Variants in FGF13 observed in about 807,000 individuals in gnomAD.
FGF13 encodes the protein fibroblast growth factor 13, also known as fibroblast growth factor homologous factor 2.
Under a neutral mutation model 19.5 loss-of-function variants are expected in FGF13, and 2 were observed. The observed-to-expected ratio is 0.10, with a 90% confidence interval of 0.04 to 0.32. The LOEUF (loss-of-function observed/expected upper bound fraction) is 0.32, where lower values mean the gene tolerates loss of function less well. FGF13 is among the 10% of genes least tolerant of loss of function. The probability of loss-of-function intolerance (pLI) is 1.00; values close to 1 mark genes in which losing one functional copy is unlikely to be tolerated. For synonymous variants in FGF13, 72 were observed against 76.9 expected (o/e 0.94, Z 0.33); for missense variants, 113 against 192.7 (o/e 0.59, Z 2.45).
intron 3 of FGF13, among the ~76,000 whole-genome samples, chrX:138,648,796 GCA>G (rs2089334579): frequency 9.0e-6 from 1 of 111,311 alleles, no homozygotes; most frequent in Admixed American, 9.6e-5. Flanking sequence ...TTTTCACAGC[GCA>G]CAGAGAAAAA....
At chrX:139,089,830 T>A (rs1166141623) in intron 1 of FGF13, among the ~76,000 whole-genome samples, 2 of 111,703 alleles carry the variant, frequency 1.8e-5, no homozygotes, top group Non-Finnish European at 3.8e-5. Context: ...AGTAACATCA[T>A]CTTTGTGACC....
intron 3 of FGF13, among the ~76,000 whole-genome samples, chrX:138,698,821 A>G (rs2089920220): frequency 8.9e-6 from 1 of 111,785 alleles, no homozygotes; most frequent in African/African-American, 3.3e-5. Context: ...TATTTAGTAA[A>G]TAATTTAGGC....
intron 3 of FGF13, among the ~76,000 whole-genome samples, chrX:138,784,059 G>C (rs1265023053): frequency 1.0e-5 from 1 of 97,745 alleles, no homozygotes; most frequent in Non-Finnish European, 2.0e-5. Flanking sequence ...GTAAACTATC[G>C]CAAGAACAAA....
chrX:138,778,086 C>A (rs1465267731), intron 3 of FGF13, among the ~76,000 whole-genome samples: 1 of 111,632 alleles, frequency 9.0e-6, no homozygotes, highest in East Asian at 2.8e-4. Context: ...CGGTCTACAG[C>A]TCCCAGCCTG....
intron 1 of FGF13, among the ~76,000 whole-genome samples, chrX:138,960,708 G>A (rs940972058): frequency 9.0e-6 from 1 of 111,226 alleles, no homozygotes; most frequent in African/African-American, 3.3e-5. Context: ...TGTTTGTTTC[G>A]TTTTACTCTT....
At chrX:138,845,559 G>A (rs752327348) in intron 3 of FGF13, among the ~76,000 whole-genome samples, 35 of 111,337 alleles carry the variant, frequency 3.1e-4, no homozygotes, top group Non-Finnish European at 5.7e-4. Flanking sequence ...AATGGAGGTT[G>A]TATATTTAAA....
chrX:139,192,036 C>G (rs898853085), intron 1 of FGF13, among the ~76,000 whole-genome samples: 2 of 111,757 alleles, frequency 1.8e-5, no homozygotes, highest in Non-Finnish European at 3.8e-5. Context: ...AAAGGGAGAC[C>G]ATCAAGGGAA....
At chrX:139,148,111 G>A (rs1209589259) in intron 1 of FGF13, among the ~76,000 whole-genome samples, 1 of 110,966 alleles carries the variant, frequency 9.0e-6, no homozygotes, top group Non-Finnish European at 1.9e-5. Flanking sequence ...CCCTTTCCCA[G>A]GAGGATAACC....
At chrX:139,108,915 A>T (rs1000190303) in intron 1 of FGF13, among the ~76,000 whole-genome samples, 2 of 81,361 alleles carry the variant, frequency 2.5e-5, no homozygotes, top group Non-Finnish European at 4.4e-5. Context: ...TTCCGCTCCC[A>T]CTTATAAGTG....
At chrX:138,876,934 A>G (rs778309587) in intron 1 of FGF13, among the ~76,000 whole-genome samples, 1 of 112,856 alleles carries the variant, frequency 8.9e-6, no homozygotes, top group Admixed American at 9.4e-5. Context: ...AATAGAATCT[A>G]AGTAAAGCAA....
chrX:138,673,356 C>T (rs998223888), intron 3 of FGF13, among the ~76,000 whole-genome samples: 1 of 110,750 alleles, frequency 9.0e-6, no homozygotes, highest in African/African-American at 3.3e-5. Flanking sequence ...ATGTTATTTA[C>T]GTAGCCCGCG....
At chrX:138,797,311 G>A (rs2090786648) in intron 3 of FGF13, among the ~76,000 whole-genome samples, 1 of 111,448 alleles carries the variant, frequency 9.0e-6, no homozygotes, top group Non-Finnish European at 1.9e-5. Flanking sequence ...ATTAAATAGG[G>A]AATCCTTTCC....
In FGF13 at chrX:138,925,700, C is replaced by A. The variant is rs191711767; in HGVS notation, c.-112-61050G>T. Among the ~76,000 whole-genome samples the A allele has an allele frequency of 5.7e-3, 635 of 111,419 alleles. 1 individual carries two copies. Among genetic ancestry groups the A allele is most frequent in the African/African-American group, 0.02 (602 of 30,707 alleles). ...TTTTCAGAAAGCCCATCCACATCCCCCACTGCTCCAAGTTTTTAATACTGA... is the reference window on the plus strand; with the variant it reads ...TTTTCAGAAAGCCCATCCACATCCCACACTGCTCCAAGTTTTTAATACTGA... On this transcript the variant is annotated intron_variant, in intron 1 of 2. Coordinates refer to the FGF13 transcript ENST00000421460.
At chrX:138,684,425 CA>C (rs925043999) in intron 3 of FGF13, among the ~76,000 whole-genome samples, 3 of 111,280 alleles carry the variant, frequency 2.7e-5, no homozygotes, top group Non-Finnish European at 5.7e-5. Flanking sequence ...AAAAATCACT[CA>C]TTTTTTTTCT....
chrX:138,748,543 T>A (rs750357381), intron 3 of FGF13, among the ~76,000 whole-genome samples: 1 of 111,798 alleles, frequency 8.9e-6, no homozygotes, highest in East Asian at 2.8e-4. Flanking sequence ...GAGAGAAAAA[T>A]CCATTTGTGT....
intron 1 of FGF13, among the ~76,000 whole-genome samples, chrX:138,873,680 A>T (rs775345154): frequency 9.0e-6 from 1 of 110,701 alleles, no homozygotes; most frequent in Non-Finnish European, 1.9e-5. Flanking sequence ...GAAACTGGTC[A>T]TTTGGGGAGT....
At chrX:138,648,629 T>C (rs766004231) in intron 3 of FGF13, among the ~76,000 whole-genome samples, 6 of 111,454 alleles carry the variant, frequency 5.4e-5, no homozygotes, top group Non-Finnish European at 1.1e-4. Flanking sequence ...TGCAGTATTA[T>C]TTTTTTTAAA....
Position 138,986,992 on chromosome X carries a change from T to C in FGF13, c.-112-122342A>G, listed in dbSNP as rs1451059396. On this transcript the variant is annotated intron_variant, in intron 1 of 2. Coordinates refer to the FGF13 transcript ENST00000421460. ...ACAAATATTTAAAATAAACAAAACC[T>C]GAAAAACCTTCAGAAGAAAGAAGAC... 3.6e-5 allele frequency among the ~76,000 whole-genome samples: 4 copies of C among 111,807 alleles called. No individual in the cohort carries two copies. The Admixed American group carries it at 3.8e-4, about 11-fold the overall frequency.
At chrX:138,871,791 G>A (rs969423245) in intron 1 of FGF13, among the ~76,000 whole-genome samples, 2 of 111,672 alleles carry the variant, frequency 1.8e-5, no homozygotes, top group East Asian at 2.8e-4. Context: ...AAGGAGACCA[G>A]TATGGCAGGA....
Sources: gnomAD v4.1 joint callset for allele counts (sites outside exome capture counted in the v4.1 genomes callset) on GRCh38, gnomAD v4.1.1 for gene constraint, MANE v1.5 for transcripts, NCBI Gene and HGNC (gene_info 2026-07-23, HGNC 2026-07-21) for gene names.